The following TSPAN11 variants were observed in gnomAD, a reference collection of about 807,000 sequenced individuals.
TSPAN11 encodes the protein tetraspanin-11.
TSPAN11 carries 29 observed loss-of-function variants against 32.9 expected under a neutral mutation model. The observed-to-expected ratio is 0.88, with a 90% CI of 0.66 to 1.20. The LOEUF (loss-of-function observed/expected upper bound fraction) is 1.20. TSPAN11 is among the 50% of genes most tolerant of loss of function. The probability of loss-of-function intolerance (pLI) is 0.00; values close to 1 mark genes in which losing one functional copy is unlikely to be tolerated. For missense variants in TSPAN11, 283 were observed against 329.1 expected, an observed-to-expected ratio of 0.86 and a Z score of 1.08; for synonymous variants, 140 against 141.3, an observed-to-expected ratio of 0.99 and a Z score of 0.07.
the TSPAN11 span, among the ~76,000 whole-genome samples, chr12:31,002,031 G>C: frequency 1.3e-5 from 2 of 152,104 alleles, no homozygotes; most frequent in Admixed American, 6.5e-5. This position sits in a 1 kb window ranked among gnomAD's most constrained non-coding sequence, Gnocchi z 4.8. Context: ...CCCATGACTT[G>C]GCTGGTCTTC....
At chr12:31,005,433 G>A in the TSPAN11 span, among the ~76,000 whole-genome samples, 1 of 152,202 alleles carries the variant, frequency 6.6e-6, no homozygotes, top group East Asian at 1.9e-4. Context: ...ACCCCATGGG[G>A]GGAACAAAAT....
chr12:30,999,446 G>C (rs1247130300), downstream of TSPAN11: 1 of 152,180 alleles, frequency 6.6e-6, no homozygotes, highest in African/African-American at 2.4e-5. Context: ...TCATAGCTTA[G>C]CCTGGCCTAC....
intron 1 of TSPAN11, among the ~76,000 whole-genome samples, chr12:30,936,111 T>C (rs1219845562): frequency 6.6e-6 from 1 of 152,230 alleles, no homozygotes; most frequent in Non-Finnish European, 1.5e-5. Context: ...GAAAATCCAG[T>C]GGTTCCCTAT....
In TSPAN11 at chr12:30,945,697, C is replaced by T. The variant is rs572690847; in HGVS notation, c.-11-8284C>T. On this transcript the variant is annotated intron_variant, in intron 1 of 7. Transcript: ENST00000546076. Reference sequence around the variant, plus strand: ...TCACTTAGGGAAGAGGGGATGCAGCCGAAGACACAATGATCCCCAAGTCTC... The same window carrying T: ...TCACTTAGGGAAGAGGGGATGCAGCTGAAGACACAATGATCCCCAAGTCTC... Among the ~76,000 whole-genome samples the T allele has an allele frequency of 1.9e-4, 29 of 152,116 alleles. No homozygotes were observed. In the South Asian group the frequency reaches 4.4e-3, roughly 23 times the overall value.
the TSPAN11 span, among the ~76,000 whole-genome samples, chr12:31,006,808 C>T: frequency 2.0e-5 from 3 of 152,232 alleles, no homozygotes; most frequent in Non-Finnish European, 4.4e-5. Flanking sequence ...GCCCAGTATC[C>T]CTATGGCATT....
intron 1 of TSPAN11, among the ~76,000 whole-genome samples, chr12:30,947,592 G>T (rs561656511): frequency 6.6e-6 from 1 of 152,258 alleles, no homozygotes; most frequent in Admixed American, 6.5e-5. Flanking sequence ...CAGAAACCCC[G>T]ATAAACCCAT....
intron 1 of TSPAN11, among the ~76,000 whole-genome samples, chr12:30,952,954 G>A (rs764722993): frequency 2.0e-5 from 3 of 152,186 alleles, no homozygotes; most frequent in Non-Finnish European, 2.9e-5. Flanking sequence ...GCAGCTCGAG[G>A]AGAAGAGGAA....
the TSPAN11 span, among the ~76,000 whole-genome samples, chr12:31,003,778 C>T: frequency 9.9e-5 from 15 of 151,334 alleles, no homozygotes; most frequent in East Asian, 2.2e-3. Context: ...TAGGGAAGGG[C>T]GGTTTTGCTC....
chr12:30,937,426 C>T (rs1938068489), intron 1 of TSPAN11, among the ~76,000 whole-genome samples: 1 of 151,508 alleles, frequency 6.6e-6, no homozygotes, highest in South Asian at 2.1e-4. Flanking sequence ...CTAAAGCGTA[C>T]TTTTGGGGGG....
chr12:30,933,489 C>G (rs546212330), intron 1 of TSPAN11, among the ~76,000 whole-genome samples: 1 of 152,230 alleles, frequency 6.6e-6, no homozygotes, highest in South Asian at 2.1e-4. Flanking sequence ...CCCCTTCCAG[C>G]TCCTTCCTCT....
At chr12:30,985,256 C>T (rs1939178520) in intron 7 of TSPAN11, among the ~76,000 whole-genome samples, 1 of 152,026 alleles carries the variant, frequency 6.6e-6, no homozygotes, top group East Asian at 1.9e-4. Flanking sequence ...GCTAGTTATA[C>T]CTTATCTGCT....
intron 1 of TSPAN11, among the ~76,000 whole-genome samples, chr12:30,943,346 G>C (rs183621147): frequency 1.3e-5 from 2 of 152,272 alleles, no homozygotes; most frequent in East Asian, 3.9e-4. Context: ...TCATGTGTCT[G>C]GGTATCCACT....
At chr12:30,940,302 A>G (rs768383745) in intron 1 of TSPAN11, among the ~76,000 whole-genome samples, 3 of 152,194 alleles carry the variant, frequency 2.0e-5, no homozygotes, top group African/African-American at 4.8e-5. Context: ...TCCTTAATGC[A>G]TTCCTTCCTT....
intron 5 of TSPAN11, 64 bp from the exon 6 acceptor site, chr12:30,982,468 C>A (rs1939109998): frequency 1.3e-6 from 2 of 1,549,878 alleles, no homozygotes; most frequent in African/African-American, 1.4e-5. Flanking sequence ...AATAATGTGT[C>A]CTGCAGCCTG....
chr12:30,971,682 C>T (rs1009554), intron 3 of TSPAN11, among the ~76,000 whole-genome samples: 49,882 of 151,638 alleles, frequency 0.33, 8,233 homozygotes, highest in Middle Eastern at 0.42. Flanking sequence ...CCCAGGAGTT[C>T]GAGGCTGCAG....
the TSPAN11 span, among the ~76,000 whole-genome samples, chr12:31,003,233 A>T: frequency 6.6e-6 from 1 of 152,226 alleles, no homozygotes; most frequent in East Asian, 1.9e-4. Context: ...ACACTTAGCC[A>T]CCTTCACTGG....
the TSPAN11 span, among the ~76,000 whole-genome samples, chr12:31,006,484 T>C: frequency 6.6e-6 from 1 of 152,268 alleles, no homozygotes; most frequent in African/African-American, 2.4e-5. Flanking sequence ...CATTTGCTTA[T>C]GGCCTCCTCA....
intron 7 of TSPAN11, among the ~76,000 whole-genome samples, chr12:30,985,751 C>G (rs1939188790): frequency 6.6e-6 from 1 of 152,234 alleles, no homozygotes; most frequent in East Asian, 1.9e-4. Flanking sequence ...GGGCAGGGAG[C>G]AGGACTGCGG....
intron 2 of TSPAN11, among the ~76,000 whole-genome samples, chr12:30,961,405 A>G (rs1437990589): frequency 1.3e-5 from 2 of 151,944 alleles, no homozygotes; most frequent in Non-Finnish European, 2.9e-5. Flanking sequence ...GAGGGGCTGC[A>G]TATCTGTCCC....
Sources: allele counts gnomAD v4.1 joint callset (sites outside exome capture counted in the v4.1 genomes callset), GRCh38; gene constraint gnomAD v4.1.1; non-coding constraint Gnocchi (gnomAD v3.1); transcripts MANE v1.5; gene names NCBI Gene and HGNC (gene_info 2026-07-23, HGNC 2026-07-21).